The following CELF6 variants were observed in gnomAD, a reference collection of about 807,000 sequenced individuals.
CELF6 encodes the protein Bruno -like 6, RNA binding protein.
Under a neutral mutation model 53.1 loss-of-function variants are expected in CELF6, and 32 were observed. That is an observed-to-expected ratio of 0.60 (90% CI 0.46 to 0.81). The LOEUF (loss-of-function observed/expected upper bound fraction) is 0.81. Among genes scored for constraint, CELF6 ranks in the 30% least tolerant of loss-of-function variants. CELF6 has a pLI of 0.00. For missense variants in CELF6, 539 were observed against 669.5 expected (o/e 0.81, Z 2.15); for synonymous variants, 291 against 288.8 (o/e 1.01, Z -0.08).
intron 3 of CELF6, among the ~76,000 whole-genome samples, chr15:72,303,996 G>A (rs1030725694): frequency 6.6e-6 from 1 of 151,794 alleles, no homozygotes; most frequent in Admixed American, 6.6e-5. Flanking sequence ...CTCAGCCTCC[G>A]AGTAGCTGGG....
rs1326730259 is a variant in CELF6, at chr15:72,289,491, G to T, written c.764C>A (p.Ala255Glu). The change falls in exon 7 of 13, where the codon GCG becomes GAG. Residue 255 changes from alanine (A) to glutamate (E), a missense_variant. Ala to Glu is a moderately radical substitution (Grantham distance 107, BLOSUM62 -1). Around this residue, in one of 3 missense-constraint regions of CELF6, gnomAD observed 358 missense variants for 412.8 expected, o/e 0.87. Transcript: ENST00000287202. The surrounding 1 kb of genome is among the most constrained non-coding windows in gnomAD (Gnocchi z 7.6). The stretch of plus-strand genomic sequence containing the variant: ...GCCCTGTGCCGCCGCCAGCAGGGCC[G>T]CCTGGTGCTGCAGGATCTTTGAGAG... ...AYTTAILQHQAALLAAAQGPG... is the reference protein window; with the variant it reads ...AYTTAILQHQEALLAAAQGPG... 3.9e-6 allele frequency: 6 copies of T among 1,523,926 alleles called. No homozygotes were observed. Among genetic ancestry groups the T allele is most frequent in the South Asian group, 3.6e-5 (3 of 83,024 alleles). 94.4% of individuals were successfully genotyped at this position (1,523,926 alleles called of 1,614,324 possible).
intron 3 of CELF6, among the ~76,000 whole-genome samples, chr15:72,293,831 T>G (rs375446728): frequency 1.9e-4 from 29 of 152,082 alleles, no homozygotes; most frequent in African/African-American, 6.7e-4. Context: ...GTAGCTGGAT[T>G]ATAGGTGCAC....
rs767098210 is a variant in CELF6 at position 72,288,871 on chromosome 15, C to T, written c.1090G>A (p.Ala364Thr). ...GCCGCGTAGCGCCAAGTGAAACCTG[C>T]GTAGTGGTGCATCCCAGCGTAGGCC... ...QQAYAGMHHY[A>T]AAYPSAYAPV... Residue 364 changes from alanine (A) to threonine (T), a missense_variant, in exon 9 of 13, where the codon GCA (alanine) becomes ACA (threonine). Physicochemically the swap from Ala to Thr is moderately conservative, Grantham distance 58 (BLOSUM62 0). Around this residue, in one of 3 missense-constraint regions of CELF6, gnomAD observed 358 missense variants for 412.8 expected, o/e 0.87. Coordinates refer to ENST00000287202, the MANE Select transcript of CELF6 (RefSeq NM_052840.5). The surrounding 1 kb of genome is among the most constrained non-coding windows in gnomAD (Gnocchi z 4.6). 1 of 1,550,906 alleles carries T rather than the reference C, an allele frequency of 6.4e-7. No individual in the cohort carries two copies. Among genetic ancestry groups the T allele is most frequent in the Non-Finnish European group, 8.7e-7 (1 of 1,146,976 alleles).
intron 3 of CELF6, among the ~76,000 whole-genome samples, chr15:72,299,259 C>T (rs1244222966): frequency 6.6e-6 from 1 of 151,654 alleles, no homozygotes; most frequent in East Asian, 1.9e-4. Flanking sequence ...AACAACACAA[C>T]AACAACAAAA....
rs1224065829 is a variant in CELF6 at position 72,319,659 on chromosome 15, G to A, written c.216C>T (p.Ile72=). The A allele has an allele frequency of 6.3e-7, 1 of 1,579,186 alleles. No individual in the cohort carries two copies. The highest frequency in any genetic ancestry group is 1.8e-5 in the Admixed American group (1 of 54,814). The change falls in exon 1 of 13, where the codon ATC becomes ATT. Residue 72 remains isoleucine (I), a synonymous_variant. Coordinates refer to ENST00000287202, the MANE Select transcript of CELF6 (RefSeq NM_052840.5). This position sits in a 1 kb window ranked among gnomAD's most constrained non-coding sequence, Gnocchi z 5.0. Reference sequence around the variant, plus strand: ...GGTCCTTCAGCACCGTCAGCTCGTAGATGCGGCCGAACTCCTCGAACAGCG... The same window carrying A: ...GGTCCTTCAGCACCGTCAGCTCGTAAATGCGGCCGAACTCCTCGAACAGCG... The part of the protein sequence containing the change: ...LKPLFEEFGR[I]YELTVLKDRL...
chr15:72,289,318 C>A lies in CELF6; in HGVS notation c.881-31G>T. On this transcript the variant is annotated intron_variant, in intron 7 of 12. Transcript: ENST00000287202. This position sits in a 1 kb window ranked among gnomAD's most constrained non-coding sequence, Gnocchi z 7.6. ...GGCGGAAAAGGTCTGAGAGTCAGGC[C>A]GCCACCCCGCCCCGCCCGGCCCCTC... The A allele has an allele frequency of 6.5e-7, 1 of 1,539,172 alleles. No homozygotes were observed. Among genetic ancestry groups the A allele is most frequent in the Non-Finnish European group, 8.7e-7 (1 of 1,149,918 alleles).
Position 72,320,020 on chromosome 15 carries a change from G to A in CELF6, c.-146C>T. The A allele has an allele frequency of 1.1e-5, 8 of 757,406 alleles. No homozygotes were observed. The highest frequency in any genetic ancestry group is 1.7e-5 in the Non-Finnish European group (8 of 468,706). 46.9% of individuals were successfully genotyped at this position (757,406 alleles called of 1,614,324 possible). ...GCTGCCCAGGGGGCGGGGTCCGGGT[G>A]GAGGGGCGTAGAGGGGGTGGGGCGG... On this transcript the variant is annotated 5_prime_UTR_variant, in exon 1 of 13. Coordinates refer to ENST00000287202, the MANE Select transcript of CELF6 (RefSeq NM_052840.5).
intron 2 of CELF6, among the ~76,000 whole-genome samples, chr15:72,309,435 C>T (rs116881704): frequency 0.029 from 4,398 of 152,156 alleles, 94 homozygotes; most frequent in Middle Eastern, 0.054. Flanking sequence ...GATATGTGGA[C>T]CCGGGAAGAG....
chr15:72,291,986 G>A (rs1191820117), intron 3 of CELF6, among the ~76,000 whole-genome samples: 5 of 152,190 alleles, frequency 3.3e-5, no homozygotes, highest in Non-Finnish European at 7.3e-5. Context: ...ACAGAATAGT[G>A]CCCTTGGAAC....
At chr15:72,313,900 T>A (rs1227542101) in intron 2 of CELF6, among the ~76,000 whole-genome samples, 1 of 152,240 alleles carries the variant, frequency 6.6e-6, no homozygotes, top group African/African-American at 2.4e-5. Flanking sequence ...TTGAGTACTT[T>A]AGTTCACTTA....
At chr15:72,293,514 G>A (rs534664849) in intron 3 of CELF6, among the ~76,000 whole-genome samples, 1 of 152,296 alleles carries the variant, frequency 6.6e-6, no homozygotes, top group East Asian at 1.9e-4. Flanking sequence ...CATGAGTGGT[G>A]GGTAGTATCC....
At chr15:72,297,367 G>T (rs947140390) in intron 3 of CELF6, among the ~76,000 whole-genome samples, 1 of 152,010 alleles carries the variant, frequency 6.6e-6, no homozygotes, top group Admixed American at 6.6e-5. Flanking sequence ...CACTTTTTTA[G>T]GTTCCACACG....
rs182729592 is a variant in CELF6 at position 72,314,601 on chromosome 15, T to C, written c.345+1244A>G. Among the ~76,000 whole-genome samples the C allele has an allele frequency of 1.7e-3, 244 of 145,598 alleles. 1 individual carries two copies. The highest frequency in any genetic ancestry group is 3.0e-3 in the Non-Finnish European group (204 of 67,112). The stretch of plus-strand genomic sequence containing the variant: ...CTCAAAACCCAGTGTTTTTTTTTTT[T>C]TTTTTTTTTTTGAGACTGAGTCTCA... On this transcript the variant is annotated intron_variant, in intron 2 of 12. Transcript: ENST00000287202.
At chr15:72,317,124 T>C (rs940865887) in intron 1 of CELF6, among the ~76,000 whole-genome samples, 1 of 152,200 alleles carries the variant, frequency 6.6e-6, no homozygotes, top group Non-Finnish European at 1.5e-5. Context: ...TAGTGAGATA[T>C]GCAGGAATCA....
chr15:72,311,606 G>T (rs2088298120), intron 2 of CELF6, among the ~76,000 whole-genome samples: 1 of 151,560 alleles, frequency 6.6e-6, no homozygotes, highest in Non-Finnish European at 1.5e-5. Context: ...GTTTCACTGT[G>T]TTAGCCAGGA....
At chr15:72,292,209 A>G in intron 3 of CELF6, 10 of 1,535,406 alleles carry the variant, frequency 6.5e-6, no homozygotes, top group Non-Finnish European at 8.7e-6. Context: ...TAGAAGATAG[A>G]GAACAGAGTT....
chr15:72,294,977 C>CAAA (rs34499459), intron 3 of CELF6, among the ~76,000 whole-genome samples: 7,667 of 104,548 alleles, frequency 0.073, 565 homozygotes, highest in Non-Finnish European at 0.1. Context: ...GACTGTGTCT[C>CAAA]AAAAAAAAAA....
At position 72,288,028 on chromosome 15, in the gene CELF6, G is replaced by A. The variant is rs766589918; in HGVS notation, c.1318+280C>T. Among the ~76,000 whole-genome samples, 1 of 152,010 alleles carries A rather than the reference G, an allele frequency of 6.6e-6. No individual in the cohort carries two copies. The highest frequency in any genetic ancestry group is 1.5e-5 in the Non-Finnish European group (1 of 68,010). On this transcript the variant is annotated intron_variant, in intron 11 of 12. Coordinates refer to ENST00000287202, the MANE Select transcript of CELF6 (RefSeq NM_052840.5). The surrounding 1 kb of genome is among the most constrained non-coding windows in gnomAD (Gnocchi z 4.6). ...AATTTTTGTATTTTTAGTGGAGACG[G>A]GATTTCGCCATGTTGGCCAGGCTAG...
rs778116919 is a variant in CELF6 at position 72,289,809 on chromosome 15, C to T, written c.604-39G>A. 2 of 1,464,038 alleles carry T rather than the reference C, an allele frequency of 1.4e-6. No homozygotes were observed. Among genetic ancestry groups the T allele is most frequent in the Non-Finnish European group, 1.8e-6 (2 of 1,112,110 alleles). The allele number at this position is 1,464,038 out of a possible 1,614,324, so 90.7% of individuals were successfully genotyped here. On this transcript the variant is annotated intron_variant, in intron 5 of 12. Transcript: ENST00000287202. The surrounding 1 kb of genome is among the most constrained non-coding windows in gnomAD (Gnocchi z 7.6). ...GGGAGGCCGTGGTGACCGGTCCTGA[C>T]CCTGGCCCCGGCCCGGGGCCGAGCG...
Sources: gnomAD v4.1 joint callset for allele counts (sites outside exome capture counted in the v4.1 genomes callset) on GRCh38, gnomAD v4.1.1 for gene constraint, gnomAD v4.1.1 regional missense constraint, Gnocchi (gnomAD v3.1) non-coding constraint, MANE v1.5 for transcripts, NCBI Gene and HGNC (gene_info 2026-07-23, HGNC 2026-07-21) for gene names.